Variants in RPRD1B observed in about 807,000 individuals in gnomAD.
RPRD1B encodes the protein regulation of nuclear pre-mRNA domain-containing protein 1B.
Under a neutral mutation model 41.5 loss-of-function variants are expected in RPRD1B, and 11 were observed. That is an observed-to-expected ratio of 0.27 (90% confidence interval 0.17 to 0.44). The LOEUF is 0.44. Among genes scored for constraint, RPRD1B ranks in the 20% least tolerant of loss-of-function variants. The probability of loss-of-function intolerance (pLI) is 1.00; values close to 1 mark genes in which losing one functional copy is unlikely to be tolerated. For synonymous variants in RPRD1B, 158 were observed against 155.6 expected, an observed-to-expected ratio of 1.02 and a Z score of -0.12; for missense variants, 248 against 389.9, an observed-to-expected ratio of 0.64 and a Z score of 3.06.
chr20:38,059,696 A>T (rs1256207315), intron 5 of RPRD1B, among the ~76,000 whole-genome samples, 176 bp downstream of exon 5: 1 of 152,234 alleles, frequency 6.6e-6, no homozygotes, highest in Non-Finnish European at 1.5e-5. Flanking sequence ...AACTTTTGAA[A>T]TAGTCAAAGC....
rs2074602400 is a variant in RPRD1B, at chr20:38,090,319, T to C, written c.*444T>C. The C allele has an allele frequency of 2.0e-6, 2 of 987,114 alleles. No homozygotes were observed. Among genetic ancestry groups the C allele is most frequent in the East Asian group, 2.3e-4 (2 of 8,832 alleles). 61.1% of individuals were successfully genotyped at this position (987,114 alleles called of 1,614,324 possible). A position where few individuals can be genotyped will look rare whatever the true frequency, so the allele number is the denominator to read the frequency against. On this transcript the variant is annotated 3_prime_UTR_variant, in exon 7 of 7. Coordinates refer to ENST00000373433, the MANE Select transcript of RPRD1B (RefSeq NM_021215.4). The stretch of plus-strand genomic sequence containing the variant: ...TGGGCTTCCACTAAGGCACTTGTCC[T>C]GGAGACGTTGGCTTTCCCAGCTGCA...
chr20:38,060,061 A>G (rs2074282643), intron 5 of RPRD1B, among the ~76,000 whole-genome samples: 1 of 152,198 alleles, frequency 6.6e-6, no homozygotes, highest in Non-Finnish European at 1.5e-5. Flanking sequence ...TGGGAAATTG[A>G]AAGGAAGGAA....
intron 1 of RPRD1B, among the ~76,000 whole-genome samples, chr20:38,039,986 G>A (rs962129966): frequency 8.6e-5 from 13 of 151,986 alleles, no homozygotes; most frequent in Non-Finnish European, 7.4e-5. Flanking sequence ...CACCCACCTC[G>A]TCCTCCCAGA....
At chr20:38,070,659 G>A (rs561541568) in intron 6 of RPRD1B, 833 of 985,026 alleles carry the variant, frequency 8.5e-4, no homozygotes, top group Non-Finnish European at 9.5e-4. Flanking sequence ...GAGTGTGTGT[G>A]TGAGAAAGAA....
chr20:38,056,650 C>G (rs987130732), intron 3 of RPRD1B, among the ~76,000 whole-genome samples: 1 of 152,128 alleles, frequency 6.6e-6, no homozygotes, highest in Non-Finnish European at 1.5e-5. Context: ...TGGAGTCATA[C>G]CGTAAGTGTG....
intron 6 of RPRD1B, among the ~76,000 whole-genome samples, chr20:38,088,688 G>A (rs1171790263): frequency 1.3e-5 from 2 of 152,202 alleles, no homozygotes; most frequent in East Asian, 3.8e-4. Flanking sequence ...AAAAAAATAT[G>A]CCCCATTCCT....
intron 6 of RPRD1B, among the ~76,000 whole-genome samples, chr20:38,088,345 TGAAAA>T (rs1468409008): frequency 6.6e-6 from 1 of 152,208 alleles, no homozygotes; most frequent in African/African-American, 2.4e-5. Context: ...ATTTAGAACT[TGAAAA>T]GAAGTGTTAT....
rs2074601064 is a variant in RPRD1B at position 38,090,191 on chromosome 20, A to G, written c.*316A>G. 1.9e-6 allele frequency: 2 copies of G among 1,036,906 alleles called. No individual in the cohort carries two copies. Among genetic ancestry groups the G allele is most frequent in the Non-Finnish European group, 2.3e-6 (2 of 863,056 alleles). The allele number at this position is 1,036,906 out of a possible 1,614,324, so 64.2% of individuals were successfully genotyped here. ...TTATACCTAAGAAGTTATGAAAATC[A>G]TGTGTACTTCTGGAAGCTTTCGAAA... On this transcript the variant is annotated 3_prime_UTR_variant, in exon 7 of 7. Transcript: ENST00000373433.
chr20:38,088,625 A>C, intron 6 of RPRD1B, among the ~76,000 whole-genome samples: 1 of 152,358 alleles, frequency 6.6e-6, no homozygotes, highest in South Asian at 2.1e-4. Flanking sequence ...GTTGTTTTCT[A>C]TATATCTTGG....
chr20:38,059,343 T>G, intron 4 of RPRD1B, 51 bp from the exon 5 acceptor site: 2 of 1,529,428 alleles, frequency 1.3e-6, no homozygotes, highest in Non-Finnish European at 1.8e-6. Context: ...ACTAATTTTC[T>G]TTAAACCCCA....
chr20:38,066,758 C>G (rs1004180131), intron 6 of RPRD1B, among the ~76,000 whole-genome samples: 2 of 152,112 alleles, frequency 1.3e-5, no homozygotes, highest in African/African-American at 4.8e-5. Flanking sequence ...CAGGTTCACG[C>G]CATTCTCCTG....
At chr20:38,053,988 A>G (rs997907397) in intron 3 of RPRD1B, among the ~76,000 whole-genome samples, 6 of 152,168 alleles carry the variant, frequency 3.9e-5, no homozygotes, top group Non-Finnish European at 7.3e-5. Context: ...CTGAGGGACA[A>G]CTGTATAGTC....
At chr20:38,040,355 A>C in intron 1 of RPRD1B, 80 bp from the exon 2 acceptor site, 1 of 1,191,168 alleles carries the variant, frequency 8.4e-7, no homozygotes, top group Non-Finnish European at 1.1e-6. Flanking sequence ...ATGTTTTTTT[A>C]GGAGCAGCCC....
intron 6 of RPRD1B, among the ~76,000 whole-genome samples, chr20:38,067,623 A>G (rs1218535275): frequency 6.6e-6 from 1 of 152,214 alleles, no homozygotes; most frequent in African/African-American, 2.4e-5. Context: ...TGTGTTGCGT[A>G]GTGGTAGCAG....
intron 2 of RPRD1B, among the ~76,000 whole-genome samples, chr20:38,043,115 A>G (rs1179446161): frequency 3.3e-5 from 5 of 152,238 alleles, no homozygotes; most frequent in Non-Finnish European, 7.3e-5. Context: ...TAAATGAGCA[A>G]GATACTTTCA....
At position 38,090,864 on chromosome 20, in the gene RPRD1B, T is replaced by C; in HGVS notation, c.*989T>C. On this transcript the variant is annotated 3_prime_UTR_variant, in exon 7 of 7. Transcript: ENST00000373433. ...TACGGTGGCTAAACTCGAACATCAC[T>C]GCAAATAGGACGCTGAGCAGGTCCG... is the stretch of plus-strand genomic sequence containing the variant. 3.0e-6 allele frequency: 3 copies of C among 985,442 alleles called. No homozygotes were observed. Among genetic ancestry groups the C allele is most frequent in the Non-Finnish European group, 3.6e-6 (3 of 829,958 alleles). The allele number at this position is 985,442 out of a possible 1,614,324, so 61.0% of individuals were successfully genotyped here.
At chr20:38,036,438 C>T (rs554977056) in intron 1 of RPRD1B, among the ~76,000 whole-genome samples, 2 of 152,312 alleles carry the variant, frequency 1.3e-5, no homozygotes, top group South Asian at 2.1e-4. Flanking sequence ...CCTCCCACCC[C>T]ATCATACCAG....
At chr20:38,087,863 A>G (rs1309570439) in intron 6 of RPRD1B, among the ~76,000 whole-genome samples, 1 of 152,160 alleles carries the variant, frequency 6.6e-6, no homozygotes, top group Non-Finnish European at 1.5e-5. Context: ...TATGTTTTAG[A>G]TATGGCTCAT....
chr20:38,074,089 C>G (rs144647505), intron 6 of RPRD1B, among the ~76,000 whole-genome samples: 2 of 152,178 alleles, frequency 1.3e-5, no homozygotes, highest in Non-Finnish European at 2.9e-5. Flanking sequence ...CGAAGCAGGC[C>G]GTAGTGTGCT....
Sources: allele counts gnomAD v4.1 joint callset (sites outside exome capture counted in the v4.1 genomes callset), GRCh38; gene constraint gnomAD v4.1.1; transcripts MANE v1.5; gene names NCBI Gene and HGNC (gene_info 2026-07-23, HGNC 2026-07-21).